The following PRKN variants were observed in gnomAD, a reference collection of about 807,000 sequenced individuals.
PRKN encodes the protein E3 ubiquitin-protein ligase parkin.
A neutral mutation model predicts 59.5 loss-of-function variants in PRKN; 56 were observed. That is an observed-to-expected ratio of 0.94 (90% confidence interval 0.76 to 1.18). The LOEUF is 1.18. Ranked by LOEUF, PRKN falls within the 50% of genes most tolerant of loss-of-function variation. PRKN has a pLI of 0.00. For synonymous variants in PRKN, 250 were observed against 222.1 expected (o/e 1.13, Z -1.12); for missense variants, 657 against 596.4 (o/e 1.10, Z -1.06).
rs144722970 is a variant in PRKN, at chr6:161,795,074, C to T, written c.735-9166G>A. Among the ~76,000 whole-genome samples the T allele has an allele frequency of 7.5e-3, 1,138 of 151,350 alleles. 12 individuals are homozygous for T. The highest frequency in any genetic ancestry group is 0.026 in the African/African-American group (1,075 of 41,260). On this transcript the variant is annotated intron_variant, in intron 6 of 11. Transcript: ENST00000366898. ...TAATTTTTTGTATTTTTAGTAGAGA[C>T]GGGGTTTCACCAAGCTAGCCAGGAT...
At chr6:161,674,384 T>A (rs1419740813) in intron 7 of PRKN, among the ~76,000 whole-genome samples, 1 of 152,158 alleles carries the variant, frequency 6.6e-6, no homozygotes, top group Non-Finnish European at 1.5e-5. Flanking sequence ...ATCTGCATTA[T>A]CATTACTGCT....
intron 9 of PRKN, among the ~76,000 whole-genome samples, chr6:161,532,552 A>G (rs1779262060): frequency 1.3e-5 from 2 of 152,158 alleles, no homozygotes; most frequent in Admixed American, 6.5e-5. Flanking sequence ...TTCCAGAGAC[A>G]TTGAAAATAT....
At chr6:162,191,835 T>C (rs527518872) in intron 4 of PRKN, among the ~76,000 whole-genome samples, 4 of 152,308 alleles carry the variant, frequency 2.6e-5, no homozygotes, top group African/African-American at 9.6e-5. Flanking sequence ...TGCTCTGTTC[T>C]ATGCCATGAA....
At chr6:161,721,379 C>T (rs767925178) in intron 7 of PRKN, among the ~76,000 whole-genome samples, 33 of 152,184 alleles carry the variant, frequency 2.2e-4, no homozygotes, top group Admixed American at 3.3e-4. Context: ...CATAGTTTCT[C>T]TAGCAGGGCA....
At chr6:162,029,493 G>A (rs1783559534) in intron 5 of PRKN, among the ~76,000 whole-genome samples, 1 of 152,126 alleles carries the variant, frequency 6.6e-6, no homozygotes, top group African/African-American at 2.4e-5. Flanking sequence ...GCGTACTTGT[G>A]CTGCTGAAAT....
intron 6 of PRKN, among the ~76,000 whole-genome samples, chr6:161,924,707 A>T (rs1778903694): frequency 6.6e-6 from 1 of 152,212 alleles, no homozygotes; most frequent in African/African-American, 2.4e-5. Context: ...TTTGCATGCC[A>T]TGTGAAACTT....
chr6:161,620,331 T>C (rs1337213312), intron 7 of PRKN, among the ~76,000 whole-genome samples: 1 of 152,056 alleles, frequency 6.6e-6, no homozygotes, highest in East Asian at 1.9e-4. Context: ...TTGGTCCTGT[T>C]GGCTTTAGAT....
At chr6:162,382,543 A>T (rs1010335640) in intron 2 of PRKN, among the ~76,000 whole-genome samples, 3 of 152,232 alleles carry the variant, frequency 2.0e-5, no homozygotes, top group Non-Finnish European at 4.4e-5. Flanking sequence ...CGTTATTGCT[A>T]AAAAATGCTA....
At chr6:161,739,099 T>G (rs950087201) in intron 7 of PRKN, among the ~76,000 whole-genome samples, 3 of 152,122 alleles carry the variant, frequency 2.0e-5, no homozygotes, top group Non-Finnish European at 4.4e-5. Context: ...TTTTCTCCAT[T>G]GTATATTAAG....
chr6:161,696,390 T>C (rs983861405), intron 7 of PRKN, among the ~76,000 whole-genome samples: 5 of 152,230 alleles, frequency 3.3e-5, no homozygotes, highest in South Asian at 4.1e-4. Context: ...TTTTGTACCA[T>C]GTAATTTACT....
chr6:162,343,835 A>T (rs187592177), intron 2 of PRKN, among the ~76,000 whole-genome samples: 1 of 152,316 alleles, frequency 6.6e-6, no homozygotes, highest in East Asian at 1.9e-4. Context: ...ATGTTGCAAG[A>T]TAAGAAAGCT....
In PRKN at chr6:161,901,758, A is replaced by C. The variant is rs533714174; in HGVS notation, c.734+71544T>G. Among the ~76,000 whole-genome samples, 133 of 152,328 alleles carry C rather than the reference A, an allele frequency of 8.7e-4. No individual in the cohort carries two copies. The South Asian group carries it at 0.014, about 16-fold the overall frequency. On this transcript the variant is annotated intron_variant, in intron 6 of 11. Coordinates refer to ENST00000366898, the MANE Select transcript of PRKN (RefSeq NM_004562.3). Reference sequence around the variant, plus strand: ...TTTGTAAATTCATCGTGGCTGCAGGAAAGACTCAGTGATTTATGCATTTGA... The same window carrying C: ...TTTGTAAATTCATCGTGGCTGCAGGCAAGACTCAGTGATTTATGCATTTGA...
chr6:162,722,236 T>A (rs1778965697), intron 1 of PRKN, among the ~76,000 whole-genome samples: 1 of 152,206 alleles, frequency 6.6e-6, no homozygotes, highest in African/African-American at 2.4e-5. Context: ...TAAATACCTA[T>A]TCATTCAAGG....
intron 5 of PRKN, among the ~76,000 whole-genome samples, chr6:162,012,020 A>G (rs1782746586): frequency 6.6e-6 from 1 of 152,120 alleles, no homozygotes; most frequent in African/African-American, 2.4e-5. Flanking sequence ...GTCATATTTT[A>G]ATAATGACAC....
rs189693076 is a variant in PRKN at position 162,271,001 on chromosome 6, C to G, written c.172-8236G>C. ...AGACTACAGGCACACGCCACTACAC[C>G]TAGCTAATTTTCTAGTTTTTTTTTT... On this transcript the variant is annotated intron_variant, in intron 2 of 11. Coordinates refer to ENST00000366898, the MANE Select transcript of PRKN (RefSeq NM_004562.3). 4.5e-3 allele frequency among the ~76,000 whole-genome samples: 675 copies of G among 149,644 alleles called. 5 individuals carry two copies. Among genetic ancestry groups the G allele is most frequent in the Admixed American group, 0.026 (392 of 15,082 alleles).
chr6:161,770,532 G>A (rs999102260), intron 7 of PRKN, among the ~76,000 whole-genome samples: 9 of 151,926 alleles, frequency 5.9e-5, no homozygotes, highest in Admixed American at 2.0e-4. Flanking sequence ...CAATGGTGCC[G>A]TCTCAGCTCA....
At chr6:161,668,128 C>T (rs529590513) in intron 7 of PRKN, among the ~76,000 whole-genome samples, 2 of 152,072 alleles carry the variant, frequency 1.3e-5, no homozygotes, top group East Asian at 1.9e-4. Context: ...CTTGTTCGCT[C>T]ATCTGGGAAT....
intron 7 of PRKN, among the ~76,000 whole-genome samples, chr6:161,626,117 G>A (rs375495906): frequency 5.6e-4 from 86 of 152,288 alleles, no homozygotes; most frequent in African/African-American, 1.7e-3. Flanking sequence ...TTCCTGGTGC[G>A]GTTCACTGTG....
intron 7 of PRKN, among the ~76,000 whole-genome samples, chr6:161,589,541 G>A (rs117471369): frequency 5.1e-4 from 78 of 151,504 alleles, no homozygotes; most frequent in Non-Finnish European, 9.3e-4. Context: ...GATAACTCGT[G>A]GTCAAAGTTT....
Sources: allele counts gnomAD v4.1 joint callset (sites outside exome capture counted in the v4.1 genomes callset), GRCh38; gene constraint gnomAD v4.1.1; transcripts MANE v1.5; gene names NCBI Gene and HGNC (gene_info 2026-07-23, HGNC 2026-07-21).